Variants in KIAA1217 observed in about 807,000 individuals in gnomAD.
KIAA1217 encodes sickle tail protein homolog.
A neutral mutation model predicts 163.9 loss-of-function variants in KIAA1217; 88 were observed. The ratio of observed to expected loss-of-function variants is 0.54; its 90% confidence interval spans 0.45 to 0.64. KIAA1217 has a LOEUF of 0.64. KIAA1217 is among the 30% of genes least tolerant of loss of function. The pLI is 0.00. For missense variants in KIAA1217, 2,372 were observed against 2,475.0 expected, an observed-to-expected ratio of 0.96 and a Z score of 0.88; for synonymous variants, 903 against 923.1, an observed-to-expected ratio of 0.98 and a Z score of 0.39.
intron 1 of KIAA1217, among the ~76,000 whole-genome samples, chr10:23,733,753 C>T (rs760327416): frequency 3.9e-5 from 6 of 151,976 alleles, no homozygotes; most frequent in Non-Finnish European, 2.9e-5. Context: ...TTTTAAGTGC[C>T]TGCACTTAAC....
At chr10:23,934,625 A>ATTTTTTTTTTTTTTT (rs1183009109) in intron 1 of KIAA1217, among the ~76,000 whole-genome samples, 2 of 68,548 alleles carry the variant, frequency 2.9e-5, no homozygotes, top group African/African-American at 1.8e-4. Flanking sequence ...ATATATATAT[A>ATTTTTTTTTTTTTTT]TTTTTTTTTT....
intron 2 of KIAA1217, among the ~76,000 whole-genome samples, chr10:24,117,057 G>GGA (rs397935498): frequency 0.013 from 2,024 of 151,702 alleles, 50 homozygotes; most frequent in African/African-American, 0.046. Context: ...GGTGGGGGGG[G>GGA]ATGGAGTTTT....
chr10:24,007,566 T>A (rs1030899770), intron 2 of KIAA1217, among the ~76,000 whole-genome samples: 2 of 152,218 alleles, frequency 1.3e-5, no homozygotes, highest in Non-Finnish European at 2.9e-5. Flanking sequence ...AGCTGCTTTA[T>A]TTTTCAGTCA....
chr10:24,487,160 T>C (rs1324180018), intron 6 of KIAA1217, among the ~76,000 whole-genome samples: 1 of 152,360 alleles, frequency 6.6e-6, no homozygotes, highest in Non-Finnish European at 1.5e-5. Flanking sequence ...TGCCATTCTT[T>C]TCAGCATCAT....
intron 2 of KIAA1217, among the ~76,000 whole-genome samples, chr10:24,225,593 G>A (rs1424515229): frequency 6.6e-6 from 1 of 152,036 alleles, no homozygotes; most frequent in African/African-American, 2.4e-5. Context: ...ACCTACCATG[G>A]TAAAGGTATT....
Position 24,292,766 on chromosome 10 carries a change from G to A in KIAA1217, c.354+72857G>A, listed in dbSNP as rs151061604. On this transcript the variant is annotated intron_variant, in intron 2 of 20. Coordinates refer to ENST00000376454, the MANE Select transcript of KIAA1217 (RefSeq NM_019590.5). The stretch of plus-strand genomic sequence containing the variant: ...GAGTTTCCACGGAATGAAGGTAAAC[G>A]CTTAGGATATCGCAGCCTGAGTGAG... Among the ~76,000 whole-genome samples, 564 of 152,224 alleles carry A rather than the reference G, an allele frequency of 3.7e-3. 5 individuals are homozygous for A. The highest frequency in any genetic ancestry group is 0.013 in the African/African-American group (537 of 41,540).
At chr10:24,399,795 A>G (rs148747866) in intron 3 of KIAA1217, among the ~76,000 whole-genome samples, 8 of 152,374 alleles carry the variant, frequency 5.3e-5, no homozygotes, top group African/African-American at 1.7e-4. Context: ...GAGGGATCTT[A>G]GATGCTAACT....
At chr10:24,337,526 C>T (rs1181120149) in intron 2 of KIAA1217, among the ~76,000 whole-genome samples, 5 of 151,944 alleles carry the variant, frequency 3.3e-5, no homozygotes, top group African/African-American at 4.8e-5. Context: ...TATGACAGAT[C>T]GCATTTTCTT....
chr10:23,716,830 C>T (rs1029240810), intron 1 of KIAA1217, among the ~76,000 whole-genome samples: 30 of 152,094 alleles, frequency 2.0e-4, no homozygotes, highest in African/African-American at 7.2e-4. Context: ...TGAATTATTG[C>T]TTTATAAAGT....
At chr10:24,023,538 C>A (rs1011177890) in intron 2 of KIAA1217, among the ~76,000 whole-genome samples, 1 of 151,358 alleles carries the variant, frequency 6.6e-6, no homozygotes, top group African/African-American at 2.4e-5. Flanking sequence ...GACCTACTTT[C>A]GATATATATG....
At chr10:23,830,087 CAG>C (rs1838104501) in intron 1 of KIAA1217, among the ~76,000 whole-genome samples, 2 of 152,148 alleles carry the variant, frequency 1.3e-5, no homozygotes, top group South Asian at 4.1e-4. Context: ...GAAAGCTAAT[CAG>C]AGGCAGTAAT....
intron 1 of KIAA1217, among the ~76,000 whole-genome samples, chr10:23,752,738 G>A (rs979523362): frequency 6.6e-6 from 1 of 152,126 alleles, no homozygotes; most frequent in African/African-American, 2.4e-5. Context: ...AAGCATAAAG[G>A]AATGATATTT....
Position 24,147,859 on chromosome 10 carries a change from AAAAG to A in KIAA1217, c.-170-71757_-170-71754del, listed in dbSNP as rs1564755553. ...AAAAAAAAAAAAAAAAAAAAAAAAA[AAAAG>A]AAAGAAAGAGAAAAGAAAAGAAAAA... On this transcript the variant is annotated intron_variant, in intron 2 of 18. Coordinates refer to the KIAA1217 transcript ENST00000376462. 2.9e-3 allele frequency among the ~76,000 whole-genome samples: 427 copies of A among 146,090 alleles called. 1 individual carries two copies. The highest frequency in any genetic ancestry group is 4.8e-3 in the Non-Finnish European group (323 of 66,912).
At chr10:23,878,110 G>A (rs1035236290) in intron 1 of KIAA1217, among the ~76,000 whole-genome samples, 1 of 151,878 alleles carries the variant, frequency 6.6e-6, no homozygotes, top group Non-Finnish European at 1.5e-5. Flanking sequence ...CAAGAAGACC[G>A]ACTTATGAGA....
Position 24,209,260 on chromosome 10 carries a change from C to T in KIAA1217, c.67C>T (p.Gln23Ter). The T allele has an allele frequency of 6.2e-7, 1 of 1,612,040 alleles. No individual in the cohort carries two copies. The highest frequency in any genetic ancestry group is 8.5e-7 in the Non-Finnish European group (1 of 1,178,676). The change falls in exon 1 of 21, where the codon CAG (glutamine) becomes TAG (stop). Residue 23 changes from glutamine (Q) to a stop codon, truncating the protein, a stop_gained. Transcript: ENST00000376454. LOFTEE classifies it high-confidence loss of function. ...LPYSADRRQM[Q>*]EQGKGNLHVT... ...TTACTCAGCAGACAGAAGACAGATG[C>T]AGGGTAAGTAACAGACCCATTCAAA...
intron 1 of KIAA1217, among the ~76,000 whole-genome samples, chr10:23,901,746 A>G (rs566816018): frequency 8.6e-5 from 13 of 151,994 alleles, no homozygotes; most frequent in Non-Finnish European, 1.6e-4. Context: ...GCCTCTACTA[A>G]AAATACAAAA....
Position 24,543,443 on chromosome 10 carries a change from T to A in KIAA1217, c.4173T>A (p.Thr1391=). ...TTGCCTTCATGATTACCGAAACCAC[T>A]GTCCAGGTTCTTTCCAGTGGGGAGG... is the stretch of plus-strand genomic sequence containing the variant. The part of the protein sequence containing the change: ...DNIAFMITET[T]VQVLSSGEVH... Residue 1391 remains threonine, a synonymous_variant, in exon 19 of 21, where the codon ACT becomes ACA. Coordinates refer to ENST00000376454, the MANE Select transcript of KIAA1217 (RefSeq NM_019590.5). 6.2e-7 allele frequency: 1 copy of A among 1,614,150 alleles called. No individual in the cohort carries two copies. The highest frequency in any genetic ancestry group is 8.5e-7 in the Non-Finnish European group (1 of 1,180,022).
intron 2 of KIAA1217, among the ~76,000 whole-genome samples, chr10:24,172,774 C>T (rs1156826281): frequency 4.6e-5 from 7 of 152,118 alleles, no homozygotes; most frequent in East Asian, 3.8e-4. Context: ...TCAGGCACTC[C>T]GTATATTTTG....
rs188362789 is a variant in KIAA1217 at position 24,014,504 on chromosome 10, G to A, written c.-171+7130G>A. ...AGACTGAAATGAGAGCTCCTCTATC[G>A]TTAGTCTGTTATGTGAAAAAATGAG... On this transcript the variant is annotated intron_variant, in intron 2 of 18. Transcript: ENST00000376462. Among the ~76,000 whole-genome samples the A allele has an allele frequency of 3.3e-5, 5 of 152,208 alleles. No individual in the cohort carries two copies. In the East Asian group the frequency reaches 7.8e-4, roughly 24 times the overall value.
Sources: gnomAD v4.1 joint callset for allele counts (sites outside exome capture counted in the v4.1 genomes callset) on GRCh38, gnomAD v4.1.1 for gene constraint, MANE v1.5 for transcripts, NCBI Gene and HGNC (gene_info 2026-07-23, HGNC 2026-07-21) for gene names.